The following ROBO1 variants were observed in gnomAD, a reference collection of about 807,000 sequenced individuals.
ROBO1 encodes roundabout guidance receptor 1.
ROBO1 carries 149 observed loss-of-function variants against 195.9 expected under a neutral mutation model. The ratio of observed to expected loss-of-function variants is 0.76; its 90% CI spans 0.67 to 0.87. ROBO1 has a LOEUF of 0.87. Ranked by LOEUF, ROBO1 falls within the 40% of genes least tolerant of loss-of-function variation. ROBO1 has a pLI of 0.00. For missense variants in ROBO1, 1,933 were observed against 2,068.3 expected, an observed-to-expected ratio of 0.93 and a Z score of 1.27; for synonymous variants, 816 against 733.2, an observed-to-expected ratio of 1.11 and a Z score of -1.82.
chr3:79,325,860 G>A (rs147001726), intron 2 of ROBO1, among the ~76,000 whole-genome samples: 2,023 of 152,246 alleles, frequency 0.013, 25 homozygotes, highest in Non-Finnish European at 0.021. Flanking sequence ...TCTGACCACC[G>A]GTGAGCTGGG....
In ROBO1 at chr3:79,409,306, AT is replaced by A. The variant is rs1196527811; in HGVS notation, c.88+180517del. On this transcript the variant is annotated intron_variant, in intron 2 of 30. Coordinates refer to ENST00000464233, the MANE Select transcript of ROBO1 (RefSeq NM_002941.4). ...AAAGTCTCTGATATAGGCAAAAAAA[AT>A]ATACATTCCCATAGCATTCAGGTCT... Among the ~76,000 whole-genome samples, 10 of 152,294 alleles carry A rather than the reference AT, an allele frequency of 6.6e-5. No individual in the cohort carries two copies. The East Asian group carries it at 1.7e-3, about 26-fold the overall frequency.
At chr3:79,708,032 G>T (rs546473026) in intron 1 of ROBO1, among the ~76,000 whole-genome samples, 56 of 152,122 alleles carry the variant, frequency 3.7e-4, no homozygotes, top group African/African-American at 1.3e-3. Context: ...TTCCTTTTAA[G>T]AAACTGATGA....
At chr3:79,197,883 G>T (rs568220577) in intron 2 of ROBO1, among the ~76,000 whole-genome samples, 151 of 145,356 alleles carry the variant, frequency 1.0e-3, no homozygotes, top group East Asian at 3.8e-3. Context: ...TTTTTGATGG[G>T]TTTTTTTTTT....
chr3:78,598,714 C>CTT lies in ROBO1; in HGVS notation c.*197_*198dup. ...CAACAGCGAGGGGAATAGGAAGGCT[C>CTT]TTTGTAGGGTTAGGGATCAAACAAC... On this transcript the variant is annotated 3_prime_UTR_variant, in exon 31 of 31. Coordinates refer to ENST00000464233, the MANE Select transcript of ROBO1 (RefSeq NM_002941.4). 2.5e-6 allele frequency: 1 copy of CTT among 399,928 alleles called. No individual in the cohort carries two copies. The highest frequency in any genetic ancestry group is 4.5e-6 in the Non-Finnish European group (1 of 224,070). 24.8% of individuals were successfully genotyped at this position (399,928 alleles called of 1,614,324 possible).
intron 3 of ROBO1, among the ~76,000 whole-genome samples, chr3:79,024,141 C>T (rs988396479): frequency 1.2e-4 from 18 of 152,172 alleles, no homozygotes; most frequent in Non-Finnish European, 2.1e-4. Flanking sequence ...ATATGAGATA[C>T]TCAACTTTGC....
chr3:79,095,408 T>C (rs1348184117), intron 3 of ROBO1, among the ~76,000 whole-genome samples: 1 of 152,064 alleles, frequency 6.6e-6, no homozygotes, highest in Admixed American at 6.6e-5. Context: ...GCAAAGGTAC[T>C]CCTGCAGTCC....
At chr3:79,003,632 G>A (rs916089225) in intron 3 of ROBO1, among the ~76,000 whole-genome samples, 3 of 152,090 alleles carry the variant, frequency 2.0e-5, no homozygotes, top group Admixed American at 6.6e-5. Flanking sequence ...GAAATTGTAC[G>A]CATTTTACTG....
At chr3:78,929,286 C>A (rs1308422826) in intron 4 of ROBO1, among the ~76,000 whole-genome samples, 25 of 152,018 alleles carry the variant, frequency 1.6e-4, no homozygotes, top group Admixed American at 1.6e-3. Flanking sequence ...AATTAGGCCC[C>A]AGATAACCAG....
intron 2 of ROBO1, among the ~76,000 whole-genome samples, chr3:79,231,949 C>G (rs980719124): frequency 6.6e-6 from 1 of 151,996 alleles, no homozygotes; most frequent in Admixed American, 6.6e-5. Context: ...TTATTCTTAG[C>G]AAACTAATGC....
rs2079850711 is a variant in ROBO1 at position 79,109,713 on chromosome 3, T to G, written c.172+15743A>C. Among the ~76,000 whole-genome samples, 3 of 152,140 alleles carry G rather than the reference T, an allele frequency of 2.0e-5. No homozygotes were observed. In the South Asian group the frequency reaches 6.2e-4, roughly 32 times the overall value. On this transcript the variant is annotated intron_variant, in intron 3 of 30. Coordinates refer to ENST00000464233, the MANE Select transcript of ROBO1 (RefSeq NM_002941.4). ...TAGAACTAACCGAATAGCACTAGAA[T>G]TAAAATTGACTAGGAGGCTACTGAG...
At chr3:79,372,252 G>A (rs986879429) in intron 2 of ROBO1, among the ~76,000 whole-genome samples, 20 of 150,616 alleles carry the variant, frequency 1.3e-4, no homozygotes, top group African/African-American at 4.7e-4. Flanking sequence ...TTGTTGTAAG[G>A]CTGGAGTGCA....
chr3:78,607,662 T>A (rs1221950533), intron 28 of ROBO1, among the ~76,000 whole-genome samples: 1 of 152,206 alleles, frequency 6.6e-6, no homozygotes, highest in Non-Finnish European at 1.5e-5. Flanking sequence ...AGCTTCCTAA[T>A]TGATTTCAGT....
At chr3:78,874,997 C>T (rs1188152298) in intron 4 of ROBO1, among the ~76,000 whole-genome samples, 2 of 152,062 alleles carry the variant, frequency 1.3e-5, no homozygotes, top group Admixed American at 6.6e-5. Flanking sequence ...CTTCAACATA[C>T]ATTTAAAGAT....
At chr3:79,333,445 C>G (rs114647780) in intron 2 of ROBO1, among the ~76,000 whole-genome samples, 279 of 151,922 alleles carry the variant, frequency 1.8e-3, no homozygotes, top group African/African-American at 6.4e-3. Flanking sequence ...CGCACATATC[C>G]TCATCAATTA....
chr3:79,012,985 A>T (rs970005628), intron 3 of ROBO1, among the ~76,000 whole-genome samples: 1 of 152,134 alleles, frequency 6.6e-6, no homozygotes, highest in African/African-American at 2.4e-5. Context: ...CAGGATGGCA[A>T]CTTTATTGGC....
intron 1 of ROBO1, among the ~76,000 whole-genome samples, chr3:79,654,752 A>G (rs1946110597): frequency 6.6e-6 from 1 of 151,866 alleles, no homozygotes; most frequent in Non-Finnish European, 1.5e-5. Context: ...TTGCTCATAC[A>G]GGGTGCATTT....
In ROBO1 at chr3:79,347,061, TTGTC is replaced by T. The variant is rs1249472303; in HGVS notation, c.89-221526_89-221523del. On this transcript the variant is annotated intron_variant, in intron 2 of 30. Coordinates refer to ENST00000464233, the MANE Select transcript of ROBO1 (RefSeq NM_002941.4). ...TACTATATAGTTACTTATAAAAAAA[TTGTC>T]TGTGTATATTTAGCTTTATAGATAG... is the stretch of plus-strand genomic sequence containing the variant. 9.2e-5 allele frequency among the ~76,000 whole-genome samples: 14 copies of T among 152,218 alleles called. No homozygotes were observed. The East Asian group carries it at 2.5e-3, about 27-fold the overall frequency.
intron 1 of ROBO1, among the ~76,000 whole-genome samples, chr3:79,677,399 C>T (rs922817048): frequency 2.0e-5 from 3 of 151,878 alleles, no homozygotes; most frequent in Non-Finnish European, 4.4e-5. Flanking sequence ...GGAAGCCTCA[C>T]AATCATGGTG....
At chr3:79,593,954 C>A (rs1191543492) in intron 1 of ROBO1, among the ~76,000 whole-genome samples, 1 of 151,846 alleles carries the variant, frequency 6.6e-6, no homozygotes, top group Non-Finnish European at 1.5e-5. Flanking sequence ...TTTTGAATAA[C>A]AGTATTTTAT....
Sources: gnomAD v4.1 joint callset for allele counts (sites outside exome capture counted in the v4.1 genomes callset) on GRCh38, gnomAD v4.1.1 for gene constraint, MANE v1.5 for transcripts, NCBI Gene and HGNC (gene_info 2026-07-23, HGNC 2026-07-21) for gene names.